Variants in LRRC4B observed in about 807,000 individuals in gnomAD.
LRRC4B encodes the protein leucine rich repeat containing 4B.
LRRC4B carries 1 observed loss-of-function variant against 7.3 expected under a neutral mutation model. The observed-to-expected ratio is 0.14, with a 90% CI of 0.05 to 0.65. The LOEUF (loss-of-function observed/expected upper bound fraction) is 0.65. Ranked by LOEUF, LRRC4B falls within the 30% of genes least tolerant of loss-of-function variation. The pLI is 0.84. For missense variants in LRRC4B, 730 were observed against 1,041.6 expected (o/e 0.70, Z 4.12); for synonymous variants, 500 against 499.2 (o/e 1.00, Z -0.02).
intron 1 of LRRC4B, among the ~76,000 whole-genome samples, chr19:50,567,672 G>T (rs1333477569): frequency 7.0e-6 from 1 of 143,534 alleles, no homozygotes; most frequent in African/African-American, 2.6e-5. Context: ...AGCGACCGCC[G>T]GACGCACCCC....
Position 50,564,285 on chromosome 19 carries a change from T to C in LRRC4B, c.-36+3659A>G, listed in dbSNP as rs143707006. On this transcript the variant is annotated intron_variant, in intron 1 of 2. Transcript: ENST00000652263. ...AAATGTTGGCAACAAATTAAACATGTTGAAAGCACTGGGGGAAAATAACCC... is the reference window on the plus strand; with the variant it reads ...AAATGTTGGCAACAAATTAAACATGCTGAAAGCACTGGGGGAAAATAACCC... Among the ~76,000 whole-genome samples the C allele has an allele frequency of 1.4e-3, 213 of 152,074 alleles. 1 individual carries two copies. Among genetic ancestry groups the C allele is most frequent in the Non-Finnish European group, 2.7e-3 (182 of 67,992 alleles).
At chr19:50,557,273 G>A (rs1982309766) in intron 1 of LRRC4B, among the ~76,000 whole-genome samples, 1 of 152,208 alleles carries the variant, frequency 6.6e-6, no homozygotes, top group African/African-American at 2.4e-5. Context: ...TGTGGGGCGG[G>A]AAGCAGTTAC....
At chr19:50,526,326 T>A (rs1980805493) in intron 2 of LRRC4B, among the ~76,000 whole-genome samples, 1 of 152,124 alleles carries the variant, frequency 6.6e-6, no homozygotes, top group Non-Finnish European at 1.5e-5. Context: ...CTTTCCTGCT[T>A]TTTTCCTGGA....
intron 2 of LRRC4B, among the ~76,000 whole-genome samples, chr19:50,524,598 A>C (rs1980720052): frequency 6.6e-6 from 1 of 152,196 alleles, no homozygotes; most frequent in Admixed American, 6.5e-5. Context: ...TTGAAATAAT[A>C]ATAAAGAAAA....
Position 50,519,937 on chromosome 19 carries a change from G to A in LRRC4B, c.298-522C>T, listed in dbSNP as rs191299455. 1.3e-5 allele frequency among the ~76,000 whole-genome samples: 2 copies of A among 152,062 alleles called. No individual in the cohort carries two copies. The highest frequency in any genetic ancestry group is 3.9e-4 in the East Asian group (2 of 5,160). ...CCAAGCACAGGGGTGGCTCATGCCTGTAATCCCAGCACTTTGGGAGGCTGA... is the reference window on the plus strand; with the variant it reads ...CCAAGCACAGGGGTGGCTCATGCCTATAATCCCAGCACTTTGGGAGGCTGA... On this transcript the variant is annotated intron_variant, in intron 2 of 2. Coordinates refer to ENST00000652263, the MANE Select transcript of LRRC4B (RefSeq NM_001080457.2). The surrounding 1 kb of genome is among the most constrained non-coding windows in gnomAD (Gnocchi z 8.1).
chr19:50,526,539 C>T (rs894747925), intron 2 of LRRC4B, among the ~76,000 whole-genome samples: 1 of 152,168 alleles, frequency 6.6e-6, no homozygotes, highest in Non-Finnish European at 1.5e-5. Flanking sequence ...TCCACCGCCT[C>T]AGAGTGAAAA....
In LRRC4B at chr19:50,523,026, C is replaced by T. The variant is rs1018575349; in HGVS notation, c.298-3611G>A. ...GTGGACAGCAGAGTTGGGACTGGAT[C>T]CAGGCCCTCTGGTTCCAGAGTCCTG... On this transcript the variant is annotated intron_variant, in intron 2 of 2. Transcript: ENST00000652263. Among the ~76,000 whole-genome samples, 10 of 152,232 alleles carry T rather than the reference C, an allele frequency of 6.6e-5. No individual in the cohort carries two copies. In the East Asian group the frequency reaches 1.2e-3, roughly 18 times the overall value.
intron 2 of LRRC4B, among the ~76,000 whole-genome samples, chr19:50,544,975 G>C (rs187684676): frequency 1.3e-5 from 2 of 152,008 alleles, no homozygotes; most frequent in African/African-American, 4.8e-5. Flanking sequence ...AGCCGGACGT[G>C]GTGGGTGGCG....
At chr19:50,522,114 G>A (rs1432774705) in intron 2 of LRRC4B, among the ~76,000 whole-genome samples, 1 of 152,150 alleles carries the variant, frequency 6.6e-6, no homozygotes, top group African/African-American at 2.4e-5. Flanking sequence ...GGAGGCCAAG[G>A]CTGCAGTGAA....
intron 2 of LRRC4B, among the ~76,000 whole-genome samples, chr19:50,538,706 C>T (rs940924101): frequency 1.3e-5 from 2 of 151,452 alleles, no homozygotes; most frequent in African/African-American, 2.4e-5. Context: ...GGATCTGGGA[C>T]TACAGGTGCG....
chr19:50,561,154 G>A (rs989895418), intron 1 of LRRC4B, among the ~76,000 whole-genome samples: 1 of 151,958 alleles, frequency 6.6e-6, no homozygotes, highest in African/African-American at 2.4e-5. Context: ...CCCATTCCAT[G>A]ACTCAGCCCC....
intron 2 of LRRC4B, among the ~76,000 whole-genome samples, chr19:50,523,549 G>T (rs146086457): frequency 2.6e-5 from 4 of 151,604 alleles, no homozygotes; most frequent in Admixed American, 2.6e-4. Context: ...GTGGTGGGGG[G>T]TGCCTGTAAT....
chr19:50,518,337 A>G lies in LRRC4B; in HGVS notation c.1376T>C (p.Val459Ala), dbSNP rs1980395008. Residue 459 changes from valine to alanine, a missense_variant, in exon 3 of 3, where the codon GTG becomes GCG. Coordinates refer to ENST00000652263, the MANE Select transcript of LRRC4B (RefSeq NM_001080457.2). ...GCCGCTGCCGGTGCCCCCGGCCGCC[A>G]CGGGGTCCACGGCCGAGACGTTGAG... ...ATLNVSAVDP[V>A]AAGGTGSGGG... 1 of 1,605,894 alleles carries G rather than the reference A, an allele frequency of 6.2e-7. No homozygotes were observed. Among genetic ancestry groups the G allele is most frequent in the African/African-American group, 1.3e-5 (1 of 74,638 alleles).
At chr19:50,564,699 C>T (rs1250459959) in intron 1 of LRRC4B, among the ~76,000 whole-genome samples, 1 of 151,702 alleles carries the variant, frequency 6.6e-6, no homozygotes, top group Non-Finnish European at 1.5e-5. Context: ...GACAGATGCC[C>T]GGCCAGAGAG....
intron 1 of LRRC4B, among the ~76,000 whole-genome samples, chr19:50,559,071 A>G (rs1405763027): frequency 1.3e-5 from 2 of 152,164 alleles, no homozygotes; most frequent in East Asian, 3.9e-4. Flanking sequence ...TGCCATACCC[A>G]TGGATAGCCA....
Position 50,568,382 on chromosome 19 carries a change from G to T in LRRC4B, c.-474C>A, listed in dbSNP as rs1468232926. ...CCCGGCCCCGGCCCCCGCCTCGGAC[G>T]GTGCGGCAGCGACCGAGAGCAGCCG... On this transcript the variant is annotated 5_prime_UTR_variant, in exon 1 of 3. Coordinates refer to ENST00000652263, the MANE Select transcript of LRRC4B (RefSeq NM_001080457.2). Among the ~76,000 whole-genome samples the T allele has an allele frequency of 8.1e-6, 1 of 123,526 alleles. No individual in the cohort carries two copies. The highest frequency in any genetic ancestry group is 3.0e-5 in the African/African-American group (1 of 32,950). The allele number at this position is 123,526 out of a possible 152,430, so 81.0% of individuals were successfully genotyped here.
intron 1 of LRRC4B, among the ~76,000 whole-genome samples, chr19:50,565,955 G>GT (rs1395434502): frequency 6.6e-6 from 1 of 151,942 alleles, no homozygotes. Context: ...CTCCCTCCCT[G>GT]GCTCCCACTC....
rs1473508852 is a variant in LRRC4B, at chr19:50,533,966, A to G, written c.298-14551T>C. Among the ~76,000 whole-genome samples, 4 of 152,162 alleles carry G rather than the reference A, an allele frequency of 2.6e-5. No individual in the cohort carries two copies. The East Asian group carries it at 5.8e-4, about 22-fold the overall frequency. On this transcript the variant is annotated intron_variant, in intron 2 of 2. Coordinates refer to ENST00000652263, the MANE Select transcript of LRRC4B (RefSeq NM_001080457.2). ...CACCACACCTACCCACCCTAAACTG[A>G]AACAGTTGGGCTGTCTGTGGGCTTC... is the stretch of plus-strand genomic sequence containing the variant.
intron 2 of LRRC4B, among the ~76,000 whole-genome samples, chr19:50,536,668 G>A (rs1459805404): frequency 1.3e-5 from 2 of 152,160 alleles, no homozygotes; most frequent in South Asian, 2.1e-4. Flanking sequence ...TCCTAGACTC[G>A]CCACGGGGTG....
Sources: gnomAD v4.1 joint callset for allele counts (sites outside exome capture counted in the v4.1 genomes callset) on GRCh38, gnomAD v4.1.1 for gene constraint, Gnocchi (gnomAD v3.1) non-coding constraint, MANE v1.5 for transcripts, NCBI Gene and HGNC (gene_info 2026-07-23, HGNC 2026-07-21) for gene names.